Variants in UBE2V2 observed in about 807,000 individuals in gnomAD.
UBE2V2 encodes the protein ubiquitin conjugating enzyme E2 V2.
A neutral mutation model predicts 17.2 loss-of-function variants in UBE2V2; 9 were observed. The ratio of observed to expected loss-of-function variants is 0.52; its 90% CI spans 0.32 to 0.91. UBE2V2 has a LOEUF of 0.91. UBE2V2 is among the 40% of genes least tolerant of loss of function. The pLI, the probability that UBE2V2 is intolerant of heterozygous loss-of-function variation, is 0.04. For missense variants in UBE2V2, 133 were observed against 182.6 expected, an observed-to-expected ratio of 0.73 and a Z score of 1.56; for synonymous variants, 61 against 57.5, an observed-to-expected ratio of 1.06 and a Z score of -0.28.
At chr8:48,029,492 GC>G (rs1460771891) in intron 1 of UBE2V2, among the ~76,000 whole-genome samples, 1 of 152,184 alleles carries the variant, frequency 6.6e-6, no homozygotes, top group Non-Finnish European at 1.5e-5. Flanking sequence ...AGCTCTTCTT[GC>G]CAGGTGAGGT....
At chr8:48,023,279 G>A (rs1008663731) in intron 1 of UBE2V2, among the ~76,000 whole-genome samples, 3 of 150,722 alleles carry the variant, frequency 2.0e-5, no homozygotes, top group Admixed American at 6.6e-5. Flanking sequence ...GCGGTGGCGC[G>A]ATCTTGGCTC....
intron 1 of UBE2V2, among the ~76,000 whole-genome samples, chr8:48,025,442 T>A (rs569864641): frequency 9.2e-5 from 14 of 151,474 alleles, no homozygotes; most frequent in African/African-American, 2.4e-4. Context: ...TATTATTATT[T>A]TTTTTTTGTA....
At chr8:48,002,890 ATT>A in the UBE2V2 span, among the ~76,000 whole-genome samples, 1 of 151,852 alleles carries the variant, frequency 6.6e-6, no homozygotes, top group Non-Finnish European at 1.5e-5. Flanking sequence ...ATGTATACGT[ATT>A]TCAAAATATC....
intron 1 of UBE2V2, among the ~76,000 whole-genome samples, chr8:48,021,525 C>G (rs947748197): frequency 1.3e-5 from 2 of 151,952 alleles, no homozygotes; most frequent in African/African-American, 4.8e-5. Flanking sequence ...TGAGGATGGT[C>G]TCAATCTCCT....
chr8:48,011,717 G>A (rs1419888436), intron 1 of UBE2V2, among the ~76,000 whole-genome samples: 6 of 152,178 alleles, frequency 3.9e-5, no homozygotes, highest in African/African-American at 9.6e-5. Context: ...AGTGGCATGC[G>A]ATCATGGCTC....
chr8:48,040,844 GTT>G (rs71225699), intron 1 of UBE2V2, among the ~76,000 whole-genome samples: 3 of 74,102 alleles, frequency 4.0e-5, no homozygotes, highest in African/African-American at 1.6e-4. Flanking sequence ...GCCAGGCTGG[GTT>G]TTTTTTTTTT....
At chr8:48,024,469 C>G (rs889779599) in intron 1 of UBE2V2, among the ~76,000 whole-genome samples, 1 of 152,102 alleles carries the variant, frequency 6.6e-6, no homozygotes, top group African/African-American at 2.4e-5. Context: ...GTGGCACATG[C>G]CTGTAATCCC....
At chr8:48,034,472 C>CAATTGT (rs1400740808) in intron 1 of UBE2V2, among the ~76,000 whole-genome samples, 17 of 151,960 alleles carry the variant, frequency 1.1e-4, no homozygotes, top group Non-Finnish European at 1.5e-4. Flanking sequence ...TTTTAAAAGT[C>CAATTGT]AATTGTAGTT....
intron 1 of UBE2V2, among the ~76,000 whole-genome samples, chr8:48,030,762 C>T (rs2091376883): frequency 6.6e-6 from 1 of 151,986 alleles, no homozygotes; most frequent in Non-Finnish European, 1.5e-5. Flanking sequence ...TGGCTCACTC[C>T]TGTAATCCCA....
upstream of UBE2V2, among the ~76,000 whole-genome samples, chr8:48,006,281 C>A (rs970597706): frequency 1.3e-5 from 2 of 152,166 alleles, no homozygotes; most frequent in Admixed American, 1.3e-4. Flanking sequence ...ATCCTTTCCC[C>A]ATTGCTTGTT....
At chr8:48,024,623 A>G (rs945109189) in intron 1 of UBE2V2, among the ~76,000 whole-genome samples, 16 of 152,032 alleles carry the variant, frequency 1.1e-4, no homozygotes, top group Non-Finnish European at 1.9e-4. Context: ...ATTCTTAAAT[A>G]CTGCTTCTGT....
chr8:48,049,049 C>T (rs1219287942), intron 2 of UBE2V2, among the ~76,000 whole-genome samples: 1 of 151,830 alleles, frequency 6.6e-6, no homozygotes, highest in Non-Finnish European at 1.5e-5. Context: ...AAAGCCATAG[C>T]AGAAAGAAGA....
chr8:48,017,845 C>CT (rs752427224), intron 1 of UBE2V2, among the ~76,000 whole-genome samples: 1 of 144,912 alleles, frequency 6.9e-6, no homozygotes, highest in Non-Finnish European at 1.5e-5. Context: ...TCATAGATTG[C>CT]CTTTTTTTTT....
intron 1 of UBE2V2, among the ~76,000 whole-genome samples, chr8:48,014,793 G>A (rs568705884): frequency 5.3e-5 from 8 of 151,966 alleles, no homozygotes; most frequent in South Asian, 4.2e-4. Context: ...GCTCACGCCC[G>A]TAATCCTAGC....
upstream of UBE2V2, chr8:48,008,334 G>A: frequency 6.7e-6 from 9 of 1,333,536 alleles, no homozygotes; most frequent in Non-Finnish European, 8.7e-6. Context: ...TGTCCCTCGG[G>A]TCGCCCCGCG....
At chr8:48,033,321 G>A (rs1175999737) in intron 1 of UBE2V2, among the ~76,000 whole-genome samples, 3 of 151,792 alleles carry the variant, frequency 2.0e-5, no homozygotes, top group East Asian at 3.9e-4. Flanking sequence ...TGAGTAACTG[G>A]GATTATGGGC....
chr8:48,023,922 G>C (rs148889803), intron 1 of UBE2V2, among the ~76,000 whole-genome samples: 1 of 152,218 alleles, frequency 6.6e-6, no homozygotes, highest in African/African-American at 2.4e-5. Flanking sequence ...TGTTTCAAAC[G>C]TAGTTCACTT....
chr8:48,040,510 C>A (rs1324504993), intron 1 of UBE2V2, among the ~76,000 whole-genome samples: 1 of 152,070 alleles, frequency 6.6e-6, no homozygotes, highest in Non-Finnish European at 1.5e-5. Flanking sequence ...GATATGTCTG[C>A]TTTGGGGCTT....
At chr8:48,023,191 G>A (rs2091317221) in intron 1 of UBE2V2, among the ~76,000 whole-genome samples, 1 of 150,210 alleles carries the variant, frequency 6.7e-6, no homozygotes, top group Non-Finnish European at 1.5e-5. Context: ...TATTTGTACA[G>A]TTTTTTTGCT....
Sources: gnomAD v4.1 joint callset for allele counts (sites outside exome capture counted in the v4.1 genomes callset) on GRCh38, gnomAD v4.1.1 for gene constraint, MANE v1.5 for transcripts, NCBI Gene and HGNC (gene_info 2026-07-23, HGNC 2026-07-21) for gene names.